The following KIAA0825 variants were observed in gnomAD, a reference collection of about 807,000 sequenced individuals.
The protein encoded by KIAA0825 is uncharacterized protein KIAA0825.
In KIAA0825, 119 loss-of-function variants were observed where a neutral mutation model predicts 147.6. The observed-to-expected ratio is 0.81, with a 90% CI of 0.69 to 0.94. The LOEUF is 0.94. KIAA0825 is among the 40% of genes least tolerant of loss of function. The pLI is 0.00. For missense variants in KIAA0825, 1,381 were observed against 1,472.7 expected (o/e 0.94, Z 1.02); for synonymous variants, 470 against 518.1 (o/e 0.91, Z 1.26).
rs182109843 is a variant in KIAA0825, at chr5:94,170,875, G to A, written c.3711-16751C>T. Among the ~76,000 whole-genome samples the A allele has an allele frequency of 1.4e-4, 22 of 152,238 alleles. No homozygotes were observed. In the East Asian group the frequency reaches 3.9e-3, roughly 27 times the overall value. On this transcript the variant is annotated intron_variant, in intron 20 of 20. Coordinates refer to ENST00000682413, the MANE Select transcript of KIAA0825 (RefSeq NM_001145678.3). ...TGAACAAAAGAACTGAATTTTACAT[G>A]GAATGTGTGCTCATCACATCATTCA...
At chr5:94,519,771 A>G (rs1184545787) in intron 5 of KIAA0825, 2 of 828,656 alleles carry the variant, frequency 2.4e-6, no homozygotes, top group Non-Finnish European at 2.9e-6. Context: ...TTTACCTAAT[A>G]ATGCTTTAGC....
intron 20 of KIAA0825, among the ~76,000 whole-genome samples, chr5:94,322,963 T>C (rs29954): frequency 0.39 from 58,779 of 151,512 alleles, 11,791 homozygotes; most frequent in African/African-American, 0.47. Context: ...CCTGATTTCT[T>C]GGGTTTTTTA....
In KIAA0825 at chr5:94,381,306, C is replaced by T. The variant is rs368446807; in HGVS notation, c.3710+3062G>A. On this transcript the variant is annotated intron_variant, in intron 20 of 20. Coordinates refer to ENST00000682413, the MANE Select transcript of KIAA0825 (RefSeq NM_001145678.3). ...ATGTTACTACTTTTTTGAATATGTA[C>T]GGTGGTGCCTCTGTGTCTGTGGGTT... Among the ~76,000 whole-genome samples, 22 of 152,228 alleles carry T rather than the reference C, an allele frequency of 1.4e-4. No individual in the cohort carries two copies. In the East Asian group the frequency reaches 3.1e-3, roughly 21 times the overall value.
chr5:94,266,201 T>C (rs1326620747), intron 20 of KIAA0825, among the ~76,000 whole-genome samples: 1 of 152,222 alleles, frequency 6.6e-6, no homozygotes, highest in East Asian at 1.9e-4. Flanking sequence ...ATCAGAATTT[T>C]GGAAAACTTT....
intron 1 of KIAA0825, among the ~76,000 whole-genome samples, chr5:94,600,135 A>G (rs1188042403): frequency 6.6e-6 from 1 of 152,218 alleles, no homozygotes; most frequent in Admixed American, 6.5e-5. Flanking sequence ...GGTTTTTAAA[A>G]TAGGAATTGC....
At chr5:94,506,585 C>G (rs1371456107) in intron 5 of KIAA0825, among the ~76,000 whole-genome samples, 3 of 152,158 alleles carry the variant, frequency 2.0e-5, no homozygotes, top group Non-Finnish European at 4.4e-5. Context: ...GAAGTGATTA[C>G]AAAAGGTGAA....
chr5:94,524,494 T>C lies in KIAA0825; in HGVS notation c.132-396A>G, dbSNP rs1584774145. 5.3e-5 allele frequency among the ~76,000 whole-genome samples: 8 copies of C among 151,820 alleles called. 1 individual carries two copies. In the South Asian group the frequency reaches 1.7e-3, roughly 31 times the overall value. The stretch of plus-strand genomic sequence containing the variant: ...AAGAGGTGAAGGACTATATAAATTA[T>C]GAAAAATTTCAATCAACGGAATAGT... On this transcript the variant is annotated intron_variant, in intron 3 of 20. Transcript: ENST00000682413.
chr5:94,426,811 C>T lies in KIAA0825; in HGVS notation c.2498-9446G>A, dbSNP rs570237538. Among the ~76,000 whole-genome samples the T allele has an allele frequency of 9.2e-5, 14 of 152,304 alleles. No homozygotes were observed. In the South Asian group the frequency reaches 2.5e-3, roughly 27 times the overall value. ...TACACATTCTATGCATTAACAAATACTCACATGTACCCCATAAATATGTAA... is the reference window on the plus strand; with the variant it reads ...TACACATTCTATGCATTAACAAATATTCACATGTACCCCATAAATATGTAA... On this transcript the variant is annotated intron_variant, in intron 14 of 20. Transcript: ENST00000682413.
chr5:94,318,603 A>G (rs1779873352), intron 20 of KIAA0825, among the ~76,000 whole-genome samples: 2 of 151,944 alleles, frequency 1.3e-5, no homozygotes, highest in Non-Finnish European at 2.9e-5. Flanking sequence ...AGGTGGTACA[A>G]TGGTCTGAGC....
intron 20 of KIAA0825, among the ~76,000 whole-genome samples, chr5:94,187,063 A>G (rs1003953884): frequency 2.0e-5 from 3 of 152,156 alleles, no homozygotes; most frequent in African/African-American, 7.2e-5. Flanking sequence ...ATTGATAGTG[A>G]ATAAAGGCAA....
At chr5:94,382,174 C>A (rs1748503679) in intron 20 of KIAA0825, among the ~76,000 whole-genome samples, 1 of 152,160 alleles carries the variant, frequency 6.6e-6, no homozygotes, top group African/African-American at 2.4e-5. Context: ...GCTCTGAATT[C>A]TTTCCTTTGG....
At chr5:94,483,590 G>T (rs556766945) in intron 6 of KIAA0825, among the ~76,000 whole-genome samples, 18 of 150,292 alleles carry the variant, frequency 1.2e-4, no homozygotes, top group Admixed American at 2.0e-4. Context: ...TTTTGGGGGG[G>T]TTTTTTTTGG....
intron 20 of KIAA0825, among the ~76,000 whole-genome samples, chr5:94,213,814 C>T (rs538329021): frequency 3.9e-5 from 6 of 152,170 alleles, no homozygotes; most frequent in Non-Finnish European, 8.8e-5. Context: ...TTTGCTGTTG[C>T]TCCTAATCTG....
intron 20 of KIAA0825, among the ~76,000 whole-genome samples, chr5:94,156,246 A>G (rs550792165): frequency 4.6e-5 from 7 of 152,320 alleles, no homozygotes; most frequent in African/African-American, 9.6e-5. Flanking sequence ...TTCAAATGCA[A>G]TTAACAATCG....
At chr5:94,216,073 T>A (rs1382512110) in intron 20 of KIAA0825, among the ~76,000 whole-genome samples, 1 of 152,152 alleles carries the variant, frequency 6.6e-6, no homozygotes, top group African/African-American at 2.4e-5. Flanking sequence ...CTAGGGAAGA[T>A]AAGCCAACTC....
intron 3 of KIAA0825, among the ~76,000 whole-genome samples, chr5:94,533,017 C>A (rs1250240039): frequency 6.9e-6 from 1 of 145,258 alleles, no homozygotes; most frequent in Non-Finnish European, 1.5e-5. Flanking sequence ...CTCGCTCTGT[C>A]GCCCAGGCTG....
intron 7 of KIAA0825, among the ~76,000 whole-genome samples, chr5:94,474,873 A>C (rs1761670642): frequency 6.6e-6 from 1 of 152,202 alleles, no homozygotes; most frequent in African/African-American, 2.4e-5. Flanking sequence ...AGACCACTTG[A>C]GGTCAGGAGA....
At chr5:94,498,703 T>C (rs1764670949) in intron 5 of KIAA0825, among the ~76,000 whole-genome samples, 1 of 152,226 alleles carries the variant, frequency 6.6e-6, no homozygotes, top group African/African-American at 2.4e-5. Context: ...TAATTATTTA[T>C]AGGATAGCTC....
intron 4 of KIAA0825, among the ~76,000 whole-genome samples, chr5:94,522,638 G>T: frequency 6.6e-6 from 1 of 151,444 alleles, no homozygotes. Context: ...AATGCCATCA[G>T]GACTGACATT....
Sources: gnomAD v4.1 joint callset for allele counts (sites outside exome capture counted in the v4.1 genomes callset) on GRCh38, gnomAD v4.1.1 for gene constraint, MANE v1.5 for transcripts, NCBI Gene and HGNC (gene_info 2026-07-23, HGNC 2026-07-21) for gene names.